Variants in SEMA3E observed in about 807,000 individuals in gnomAD.
The protein encoded by SEMA3E is semaphorin-3E.
Under a neutral mutation model 93.6 loss-of-function variants are expected in SEMA3E, and 49 were observed. That is an observed-to-expected ratio of 0.52 (90% CI 0.42 to 0.66). The LOEUF (loss-of-function observed/expected upper bound fraction) is 0.66. SEMA3E is among the 30% of genes least tolerant of loss of function. SEMA3E has a pLI of 0.00. For missense variants in SEMA3E, 906 were observed against 964.8 expected, an observed-to-expected ratio of 0.94 and a Z score of 0.81; for synonymous variants, 363 against 330.7, an observed-to-expected ratio of 1.10 and a Z score of -1.06.
intron 1 of SEMA3E, among the ~76,000 whole-genome samples, chr7:83,587,083 G>C (rs919041011): frequency 6.6e-6 from 1 of 152,164 alleles, no homozygotes; most frequent in Non-Finnish European, 1.5e-5. Context: ...CCTTTCTAAA[G>C]TTTACCAAAG....
chr7:83,565,597 TG>T (rs1377653342), intron 1 of SEMA3E, among the ~76,000 whole-genome samples: 1 of 152,236 alleles, frequency 6.6e-6, no homozygotes, highest in African/African-American at 2.4e-5. Flanking sequence ...GAAGATTTAA[TG>T]TGCTTTCTGA....
chr7:83,441,176 G>A (rs1049684155), intron 4 of SEMA3E, among the ~76,000 whole-genome samples: 2 of 152,126 alleles, frequency 1.3e-5, no homozygotes, highest in Non-Finnish European at 2.9e-5. Context: ...AACAGTTTAT[G>A]GATACAGCCA....
At chr7:83,452,137 GTGTGTGTGTGTC>G (rs1026174623) in intron 4 of SEMA3E, among the ~76,000 whole-genome samples, 17 of 151,938 alleles carry the variant, frequency 1.1e-4, no homozygotes, top group Non-Finnish European at 1.5e-4. Context: ...ATGTATGTGT[GTGTGTGTGTGTC>G]TGTGTGTGTG....
intron 1 of SEMA3E, among the ~76,000 whole-genome samples, chr7:83,634,755 T>C (rs1275236865): frequency 6.6e-6 from 1 of 152,040 alleles, no homozygotes; most frequent in Non-Finnish European, 1.5e-5. Flanking sequence ...ATAAAATCAA[T>C]ATTTTGGGTG....
At chr7:83,446,221 C>G (rs900850854) in intron 4 of SEMA3E, among the ~76,000 whole-genome samples, 5 of 152,120 alleles carry the variant, frequency 3.3e-5, no homozygotes, top group Non-Finnish European at 5.9e-5. Context: ...CCCATCCACC[C>G]TCCAGAATAG....
At chr7:83,485,419 A>T (rs1012419401) in intron 2 of SEMA3E, among the ~76,000 whole-genome samples, 5 of 152,214 alleles carry the variant, frequency 3.3e-5, no homozygotes, top group Non-Finnish European at 7.4e-5. Context: ...AATATTATAC[A>T]TGCATAGCCA....
intron 1 of SEMA3E, among the ~76,000 whole-genome samples, chr7:83,596,895 T>C (rs61170785): frequency 0.018 from 2,812 of 152,224 alleles, 87 homozygotes; most frequent in African/African-American, 0.063. Context: ...AATAACTTCC[T>C]AAGGGCAAGG....
At chr7:83,401,609 T>C (rs1413482242) in intron 10 of SEMA3E, among the ~76,000 whole-genome samples, 4 of 152,096 alleles carry the variant, frequency 2.6e-5, no homozygotes, top group Non-Finnish European at 5.9e-5. Context: ...TGAAATAAAA[T>C]ATACTTTATG....
chr7:83,513,695 A>G (rs564034174), intron 1 of SEMA3E, among the ~76,000 whole-genome samples: 3 of 152,330 alleles, frequency 2.0e-5, no homozygotes, highest in African/African-American at 7.2e-5. Context: ...TTTGCTGGGT[A>G]ATTTCCGTAT....
intron 1 of SEMA3E, among the ~76,000 whole-genome samples, chr7:83,599,182 A>G (rs1020526745): frequency 6.6e-6 from 1 of 152,162 alleles, no homozygotes; most frequent in Admixed American, 6.5e-5. Context: ...ATACAGAATG[A>G]TGTCATTGCA....
At chr7:83,495,710 G>A (rs75444128) in intron 1 of SEMA3E, among the ~76,000 whole-genome samples, 6 of 151,856 alleles carry the variant, frequency 4.0e-5, no homozygotes, top group African/African-American at 1.4e-4. Flanking sequence ...AAGTGAATTT[G>A]CATAAAAAGA....
chr7:83,434,248 A>C (rs2115756764), intron 4 of SEMA3E, among the ~76,000 whole-genome samples: 1 of 152,222 alleles, frequency 6.6e-6, no homozygotes, highest in South Asian at 2.1e-4. Context: ...AAAACCTGCA[A>C]ATTGGCTCCC....
chr7:83,545,333 T>C (rs2115779164), intron 1 of SEMA3E, among the ~76,000 whole-genome samples: 1 of 152,078 alleles, frequency 6.6e-6, no homozygotes, highest in East Asian at 1.9e-4. Context: ...CTTCCCCCAG[T>C]CCCATTCCTA....
intron 1 of SEMA3E, among the ~76,000 whole-genome samples, chr7:83,627,863 T>G (rs1189496560): frequency 6.6e-6 from 1 of 152,150 alleles, no homozygotes; most frequent in East Asian, 1.9e-4. Flanking sequence ...GTCGTTATGA[T>G]GCTAGCTGGT....
chr7:83,411,306 G>A (rs1788435120), intron 5 of SEMA3E, among the ~76,000 whole-genome samples: 1 of 152,004 alleles, frequency 6.6e-6, no homozygotes, highest in Non-Finnish European at 1.5e-5. Context: ...AAAATTGTGA[G>A]CAATTCCCAT....
intron 16 of SEMA3E, among the ~76,000 whole-genome samples, chr7:83,384,172 T>G (rs1787835246): frequency 6.6e-6 from 1 of 152,072 alleles, no homozygotes; most frequent in Non-Finnish European, 1.5e-5. Flanking sequence ...ATGTACTGTA[T>G]GATTTTGATC....
intron 1 of SEMA3E, among the ~76,000 whole-genome samples, chr7:83,516,824 G>C (rs970070305): frequency 6.6e-6 from 1 of 151,778 alleles, no homozygotes; most frequent in African/African-American, 2.4e-5. Flanking sequence ...AAAAATGCTT[G>C]AGAGCATTTG....
chr7:83,376,040 A>C (rs972942996), intron 16 of SEMA3E, among the ~76,000 whole-genome samples: 1 of 152,142 alleles, frequency 6.6e-6, no homozygotes, highest in African/African-American at 2.4e-5. Flanking sequence ...TGTTGTAAAG[A>C]GTTGTTAGTT....
chr7:83,463,168 C>T (rs1461276186), intron 4 of SEMA3E, among the ~76,000 whole-genome samples: 2 of 83,234 alleles, frequency 2.4e-5, no homozygotes, highest in Non-Finnish European at 6.2e-5. Context: ...CAAGCACCTT[C>T]TACAAAACAA....
Sources: gnomAD v4.1 joint callset for allele counts (sites outside exome capture counted in the v4.1 genomes callset) on GRCh38, gnomAD v4.1.1 for gene constraint, MANE v1.5 for transcripts, NCBI Gene and HGNC (gene_info 2026-07-23, HGNC 2026-07-21) for gene names.